The following UBA6 variants were observed in gnomAD, a reference collection of about 807,000 sequenced individuals.
UBA6 encodes ubiquitin like modifier activating enzyme 6.
A neutral mutation model predicts 148.3 loss-of-function variants in UBA6; 87 were observed. The ratio of observed to expected loss-of-function variants is 0.59; its 90% CI spans 0.49 to 0.70. The LOEUF (loss-of-function observed/expected upper bound fraction) is 0.70, where lower values mean the gene tolerates loss of function less well. UBA6 is among the 30% of genes least tolerant of loss of function. The probability of loss-of-function intolerance (pLI) is 0.00; values close to 1 mark genes in which losing one functional copy is unlikely to be tolerated. For missense variants in UBA6, 1,186 were observed against 1,241.2 expected (o/e 0.96, Z 0.67); for synonymous variants, 376 against 401.0 (o/e 0.94, Z 0.75).
At chr4:67,632,023 A>G in intron 23 of UBA6, 115 bp from the exon 24 acceptor site, 1 of 950,696 alleles carries the variant, frequency 1.1e-6, no homozygotes, top group Non-Finnish European at 1.6e-6. Flanking sequence ...TCAAAAATCA[A>G]AACACATTAA....
intron 13 of UBA6, among the ~76,000 whole-genome samples, chr4:67,650,367 AG>A (rs1164029249): frequency 6.6e-6 from 1 of 152,162 alleles, no homozygotes; most frequent in African/African-American, 2.4e-5. Flanking sequence ...GGACCGAAAA[AG>A]TCCAACTTTA....
intron 1 of UBA6, 132 bp downstream of exon 1, chr4:67,700,917 G>T: frequency 9.1e-7 from 1 of 1,095,032 alleles, no homozygotes; most frequent in Non-Finnish European, 1.3e-6. Flanking sequence ...CGCGCCCCTC[G>T]CCTCCCAGGG....
In UBA6 at chr4:67,677,722, C is replaced by A; in HGVS notation, c.354G>T (p.Arg118Ser). Reference sequence around the variant, plus strand: ...CAATATGTTTAAGTACAGCTTCAGCCCTAAAAAAATAAAATAAATTTTTAC... The same window carrying A: ...CAATATGTTTAAGTACAGCTTCAGCACTAAAAAAATAAAATAAATTTTTAC... ...SEDDVVNKRN[R>S]AEAVLKHIAE... is the part of the protein sequence containing the mutation. Residue 118 changes from arginine to serine, a missense_variant and splice_region_variant, in exon 6 of 33, where the codon AGG becomes AGT. By Grantham distance (110) the Arg-to-Ser change is moderately radical (BLOSUM62 -1). Transcript: ENST00000322244. The A allele has an allele frequency of 1.3e-6, 2 of 1,526,854 alleles. No homozygotes were observed. Among genetic ancestry groups the A allele is most frequent in the Non-Finnish European group, 8.9e-7 (1 of 1,118,494 alleles). The allele number at this position is 1,526,854 out of a possible 1,614,324, so 94.6% of individuals were successfully genotyped here.
intron 13 of UBA6, among the ~76,000 whole-genome samples, chr4:67,653,114 G>A (rs1444784930): frequency 1.3e-5 from 2 of 152,210 alleles, no homozygotes; most frequent in Admixed American, 6.5e-5. Flanking sequence ...CTAAACAAAA[G>A]GCAGCAGACA....
chr4:67,617,623 T>A lies in UBA6; in HGVS notation c.*1374A>T, dbSNP rs1199829535. On this transcript the variant is annotated 3_prime_UTR_variant, in exon 33 of 33. Coordinates refer to ENST00000322244, the MANE Select transcript of UBA6 (RefSeq NM_018227.6). ...GGTTGATAAAGTAATTTAAACTATT[T>A]GTAAATGAAATAAAAAGAAAGTAGG... is the stretch of plus-strand genomic sequence containing the variant. The A allele has an allele frequency of 3.9e-5, 6 of 152,150 alleles. No homozygotes were observed. The highest frequency in any genetic ancestry group is 7.4e-5 in the Non-Finnish European group (5 of 67,972). The allele number at this position is 152,150 out of a possible 1,614,324, so 9.4% of individuals were successfully genotyped here.
chr4:67,636,715 G>C (rs916414685), intron 19 of UBA6, among the ~76,000 whole-genome samples: 1 of 152,240 alleles, frequency 6.6e-6, no homozygotes, highest in Admixed American at 6.5e-5. Context: ...CCAGGCTGGA[G>C]TGCAGTGGCG....
chr4:67,650,402 T>C (rs1317852029), intron 13 of UBA6, among the ~76,000 whole-genome samples: 1 of 152,144 alleles, frequency 6.6e-6, no homozygotes, highest in East Asian at 1.9e-4. Flanking sequence ...AGCATTAGGT[T>C]ATGCAACCTC....
At chr4:67,688,406 T>C (rs1379423062) in intron 2 of UBA6, among the ~76,000 whole-genome samples, 4 of 152,086 alleles carry the variant, frequency 2.6e-5, no homozygotes, top group African/African-American at 9.7e-5. Context: ...TCAAGTCTAA[T>C]TCACCTAACA....
intron 2 of UBA6, among the ~76,000 whole-genome samples, chr4:67,685,336 C>T (rs1336208874): frequency 1.3e-5 from 2 of 152,088 alleles, no homozygotes; most frequent in African/African-American, 4.8e-5. Context: ...TAAAAAACCC[C>T]AGTGGTTTTC....
chr4:67,691,593 G>A (rs1467469183), intron 2 of UBA6, among the ~76,000 whole-genome samples: 1 of 152,134 alleles, frequency 6.6e-6, no homozygotes, highest in Admixed American at 6.5e-5. Flanking sequence ...CATGTTTAAT[G>A]TGCAATACTG....
intron 19 of UBA6, among the ~76,000 whole-genome samples, chr4:67,636,270 T>C (rs1729135582): frequency 6.6e-6 from 1 of 152,160 alleles, no homozygotes; most frequent in Non-Finnish European, 1.5e-5. Context: ...ATGAGTGCCA[T>C]GAAGGAAAAA....
rs1172936899 is a variant in UBA6 at position 67,616,093 on chromosome 4, CAT to C, written c.*2902_*2903del. 1.0e-4 allele frequency: 41 copies of C among 394,566 alleles called. No individual in the cohort carries two copies. In the East Asian group the frequency reaches 1.3e-3, roughly 12 times the overall value. The allele number at this position is 394,566 out of a possible 1,614,324, so 24.4% of individuals were successfully genotyped here. A position where few individuals can be genotyped will look rare whatever the true frequency, so the allele number is the denominator to read the frequency against. Reference sequence around the variant, plus strand: ...TCTCAATAAAAAAACAAAGTTATGACATAGAGCAAAATGAACACATATTATCA... The same window carrying C: ...TCTCAATAAAAAAACAAAGTTATGACAGAGCAAAATGAACACATATTATCA... On this transcript the variant is annotated 3_prime_UTR_variant, in exon 33 of 33. Coordinates refer to ENST00000322244, the MANE Select transcript of UBA6 (RefSeq NM_018227.6).
intron 2 of UBA6, among the ~76,000 whole-genome samples, chr4:67,695,752 TA>T (rs1449728752): frequency 2.0e-5 from 3 of 152,172 alleles, no homozygotes; most frequent in African/African-American, 7.2e-5. Context: ...AAATCATCTT[TA>T]AAATAATTTT....
chr4:67,645,852 C>T, intron 16 of UBA6, 86 bp downstream of exon 16: 2 of 740,014 alleles, frequency 2.7e-6, no homozygotes, highest in East Asian at 2.7e-5. Flanking sequence ...GTACTCTACA[C>T]ACTTAGACTC....
Position 67,630,535 on chromosome 4 carries a change from C to G in UBA6, c.2259G>C (p.Leu753Phe). The change falls in exon 26 of 33, where the codon TTG becomes TTC. Residue 753 changes from leucine (L) to phenylalanine (F), a missense_variant and splice_region_variant. Coordinates refer to ENST00000322244, the MANE Select transcript of UBA6 (RefSeq NM_018227.6). ...CAGCATTCTGAAGGAAACTGAGGTG[C>G]CTTTTGAAATTAAAAAATAAAGCAA... Reference protein sequence around the residue: ...SPIKFDLNEPLHLSFLQNAAK... With the variant: ...SPIKFDLNEPFHLSFLQNAAK... The G allele has an allele frequency of 6.4e-7, 1 of 1,566,758 alleles. No homozygotes were observed. The highest frequency in any genetic ancestry group is 8.6e-7 in the Non-Finnish European group (1 of 1,157,640).
chr4:67,645,855 T>C, intron 16 of UBA6, 83 bp downstream of exon 16: 1 of 782,596 alleles, frequency 1.3e-6, no homozygotes, highest in Non-Finnish European at 2.0e-6. Flanking sequence ...CTCTACACAC[T>C]TAGACTCAAA....
intron 18 of UBA6, among the ~76,000 whole-genome samples, chr4:67,639,454 G>GT (rs944607973): frequency 1.3e-3 from 194 of 152,192 alleles, no homozygotes; most frequent in African/African-American, 4.3e-3. Context: ...GTTTGACTTG[G>GT]TAAGTGCCTA....
In UBA6 at chr4:67,646,755, C is replaced by T. The variant is rs748000320; in HGVS notation, c.1285G>A (p.Gly429Ser). 1 of 1,605,824 alleles carries T rather than the reference C, an allele frequency of 6.2e-7. No homozygotes were observed. Residue 429 changes from glycine to serine, a missense_variant, in exon 15 of 33, where the codon GGC (glycine) becomes AGC (serine). Transcript: ENST00000322244. Reference sequence around the variant, plus strand: ...AGAAATTCTTCACATTCAGGTTTGCCTAGTGATTCAACAATATCTGCTGCT... The same window carrying T: ...AGAAATTCTTCACATTCAGGTTTGCTTAGTGATTCAACAATATCTGCTGCT... ...LEAADIVESL[G>S]KPECEEFLPR...
Position 67,678,517 on chromosome 4 carries a change from T to A in UBA6, c.275A>T (p.Asp92Val), listed in dbSNP as rs1456780305. ...LAGIKAVTIH[D>V]TEKCQAWDLG... Reference sequence around the variant, plus strand: ...ATCCCATGCTTGGCATTTTTCTGTATCATGAATTGTAACTGCCTTCAAAAA... The same window carrying A: ...ATCCCATGCTTGGCATTTTTCTGTAACATGAATTGTAACTGCCTTCAAAAA... Residue 92 changes from aspartate (D) to valine (V), a missense_variant, in exon 5 of 33, where the codon GAT becomes GTT. Asp to Val is a radical substitution (Grantham distance 152). Coordinates refer to ENST00000322244, the MANE Select transcript of UBA6 (RefSeq NM_018227.6). The A allele has an allele frequency of 3.8e-6, 6 of 1,590,282 alleles. No individual in the cohort carries two copies. The highest frequency in any genetic ancestry group is 5.1e-6 in the Non-Finnish European group (6 of 1,166,132).
Sources: allele counts gnomAD v4.1 joint callset (sites outside exome capture counted in the v4.1 genomes callset), GRCh38; gene constraint gnomAD v4.1.1; transcripts MANE v1.5; gene names NCBI Gene and HGNC (gene_info 2026-07-23, HGNC 2026-07-21).